The following RASA2 variants were observed in gnomAD, a reference collection of about 807,000 sequenced individuals.
RASA2 encodes ras GTPase-activating protein 2.
In RASA2, 155 loss-of-function variants were observed where a neutral mutation model predicts 118.2. The ratio of observed to expected loss-of-function variants is 1.31; its 90% CI spans 1.15 to 1.50. The LOEUF (loss-of-function observed/expected upper bound fraction) is 1.50, where lower values mean the gene tolerates loss of function less well. Ranked by LOEUF, RASA2 falls within the 40% of genes most tolerant of loss-of-function variation. The pLI, the probability that RASA2 is intolerant of heterozygous loss-of-function variation, is 0.00. For missense variants in RASA2, 1,016 were observed against 1,009.6 expected (o/e 1.01, Z -0.09); for synonymous variants, 353 against 349.1 (o/e 1.01, Z -0.12).
At chr3:141,600,510 G>T in intron 19 of RASA2, 1 of 318,180 alleles carries the variant, frequency 3.1e-6, no homozygotes, top group South Asian at 2.8e-5. Context: ...TCATGCAGGT[G>T]GCCATGTCAT....
intron 1 of RASA2, among the ~76,000 whole-genome samples, chr3:141,505,619 T>C (rs1234907178): frequency 6.6e-6 from 1 of 152,212 alleles, no homozygotes; most frequent in Non-Finnish European, 1.5e-5. Flanking sequence ...ATGTAGTAGA[T>C]AGCACCTGAT....
intron 5 of RASA2, among the ~76,000 whole-genome samples, chr3:141,542,301 C>T (rs1361556177): frequency 6.6e-6 from 1 of 152,100 alleles, no homozygotes; most frequent in Non-Finnish European, 1.5e-5. Flanking sequence ...TTTGTGTCTG[C>T]TGTCTTTCAC....
chr3:141,547,578 T>A (rs2082504491), intron 5 of RASA2, among the ~76,000 whole-genome samples: 1 of 152,232 alleles, frequency 6.6e-6, no homozygotes, highest in Admixed American at 6.5e-5. Flanking sequence ...AATTTGTTTA[T>A]CAGTTCTAAT....
intron 3 of RASA2, among the ~76,000 whole-genome samples, chr3:141,520,643 TACAC>T (rs201483805): frequency 8.4e-6 from 1 of 118,736 alleles, no homozygotes; most frequent in Non-Finnish European, 1.7e-5. Flanking sequence ...TATAGTTACA[TACAC>T]ATATATATAT....
At chr3:141,570,393 T>G (rs187316813) in intron 9 of RASA2, among the ~76,000 whole-genome samples, 17 of 152,214 alleles carry the variant, frequency 1.1e-4, no homozygotes, top group Admixed American at 4.6e-4. Context: ...CTGATTTTTG[T>G]ATTTTTAGTA....
intron 9 of RASA2, among the ~76,000 whole-genome samples, chr3:141,567,572 A>G (rs1409563590): frequency 6.6e-6 from 1 of 152,232 alleles, no homozygotes; most frequent in Non-Finnish European, 1.5e-5. Flanking sequence ...ATTAAAATGC[A>G]TTCTTAATGT....
chr3:141,601,738 C>T (rs1225912257), intron 19 of RASA2, among the ~76,000 whole-genome samples: 1 of 151,970 alleles, frequency 6.6e-6, no homozygotes, highest in Admixed American at 6.6e-5. Flanking sequence ...TAATGTTTTT[C>T]ACCAAATTTG....
At chr3:141,586,259 T>A (rs891283137) in intron 18 of RASA2, among the ~76,000 whole-genome samples, 161 bp downstream of exon 18, 1 of 152,154 alleles carries the variant, frequency 6.6e-6, no homozygotes, top group Non-Finnish European at 1.5e-5. Context: ...CTACAAACTT[T>A]ATGGCAAAAA....
intron 1 of RASA2, among the ~76,000 whole-genome samples, chr3:141,499,072 C>A (rs1255979414): frequency 6.6e-6 from 1 of 152,136 alleles, no homozygotes; most frequent in African/African-American, 2.4e-5. Context: ...GTGAAACTTG[C>A]CTTTTCGTGT....
chr3:141,509,771 G>T (rs561037539), intron 1 of RASA2, among the ~76,000 whole-genome samples: 1 of 152,238 alleles, frequency 6.6e-6, no homozygotes, highest in East Asian at 1.9e-4. Context: ...ATGAGAAGAG[G>T]AATAACTAGT....
intron 5 of RASA2, among the ~76,000 whole-genome samples, chr3:141,545,398 C>T (rs1030246876): frequency 5.3e-5 from 8 of 150,502 alleles, no homozygotes; most frequent in Non-Finnish European, 1.0e-4. Flanking sequence ...AAACACCAAG[C>T]GGGAGCAGGT....
intron 19 of RASA2, among the ~76,000 whole-genome samples, chr3:141,603,622 C>A (rs979277562): frequency 1.3e-5 from 2 of 152,092 alleles, no homozygotes; most frequent in Non-Finnish European, 2.9e-5. Context: ...CCATAAAATT[C>A]ACCCTTTTAA....
At chr3:141,555,791 T>C (rs1329008608) in intron 6 of RASA2, 49 bp from the exon 7 acceptor site, 4 of 1,494,846 alleles carry the variant, frequency 2.7e-6, no homozygotes, top group South Asian at 1.2e-5. Flanking sequence ...TGTTTTATAA[T>C]TGTGTACTGT....
chr3:141,509,011 A>C (rs1038849960), intron 1 of RASA2, among the ~76,000 whole-genome samples: 5 of 152,318 alleles, frequency 3.3e-5, no homozygotes, highest in Non-Finnish European at 7.3e-5. Context: ...AATAGGCACA[A>C]TATTACTTTT....
chr3:141,611,892 T>G (rs2083657997), intron 23 of RASA2, among the ~76,000 whole-genome samples: 1 of 152,186 alleles, frequency 6.6e-6, no homozygotes, highest in Non-Finnish European at 1.5e-5. Flanking sequence ...AGTTTCCATA[T>G]GAGATCCCAG....
chr3:141,608,896 G>C (rs1186903147), intron 21 of RASA2, among the ~76,000 whole-genome samples, 199 bp downstream of exon 21: 1 of 152,166 alleles, frequency 6.6e-6, no homozygotes, highest in Non-Finnish European at 1.5e-5. Flanking sequence ...AAAGTGTCTA[G>C]AATAGGTAAA....
intron 3 of RASA2, among the ~76,000 whole-genome samples, chr3:141,529,466 G>A (rs2082228025): frequency 6.6e-6 from 1 of 152,026 alleles, no homozygotes; most frequent in Non-Finnish European, 1.5e-5. Flanking sequence ...TACAACTGAG[G>A]TTTTATCTAA....
intron 1 of RASA2, among the ~76,000 whole-genome samples, 199 bp downstream of exon 1, chr3:141,487,415 C>G (rs937253855): frequency 6.6e-6 from 1 of 151,520 alleles, no homozygotes; most frequent in African/African-American, 2.4e-5. Flanking sequence ...TGGGCCGGGG[C>G]TGCTGCTCTC....
At chr3:141,527,771 A>G (rs1032218765) in intron 3 of RASA2, among the ~76,000 whole-genome samples, 15 of 152,162 alleles carry the variant, frequency 9.9e-5, no homozygotes, top group Non-Finnish European at 1.9e-4. Flanking sequence ...TTCTTCCTGC[A>G]GTTTAAGGAA....
Sources: gnomAD v4.1 joint callset for allele counts (sites outside exome capture counted in the v4.1 genomes callset) on GRCh38, gnomAD v4.1.1 for gene constraint, MANE v1.5 for transcripts, NCBI Gene and HGNC (gene_info 2026-07-23, HGNC 2026-07-21) for gene names.